The following ITGAM variants were observed in gnomAD, a reference collection of about 807,000 sequenced individuals.
The protein encoded by ITGAM is integrin alpha-M.
In ITGAM, 79 loss-of-function variants were observed where a neutral mutation model predicts 137.5. The observed-to-expected ratio is 0.57, with a 90% CI of 0.48 to 0.69. The LOEUF is 0.69. ITGAM is among the 30% of genes least tolerant of loss of function. The probability of loss-of-function intolerance (pLI) is 0.00; values close to 1 mark genes in which losing one functional copy is unlikely to be tolerated. For synonymous variants in ITGAM, 583 were observed against 592.3 expected (o/e 0.98, Z 0.23); for missense variants, 1,343 against 1,483.5 (o/e 0.91, Z 1.56).
intron 14 of ITGAM, among the ~76,000 whole-genome samples, chr16:31,304,760 GTTGGCTGTAAGTAT>G (rs1307678865): frequency 6.6e-6 from 1 of 152,134 alleles, no homozygotes; most frequent in Admixed American, 6.6e-5. Flanking sequence ...TAAAAGATCA[GTTGGCTGTAAGTAT>G]TTGGTTTTAT....
intron 12 of ITGAM, among the ~76,000 whole-genome samples, chr16:31,285,280 C>G (rs530231798): frequency 2.6e-5 from 4 of 152,016 alleles, no homozygotes; most frequent in African/African-American, 9.7e-5. Flanking sequence ...CAGCACAGCC[C>G]GTGGATTTAA....
intron 7 of ITGAM, among the ~76,000 whole-genome samples, chr16:31,272,455 ATATATATATTTTTTTTTTTTTTTT>A (rs2079858992): frequency 6.1e-4 from 7 of 11,394 alleles, no homozygotes; most frequent in Non-Finnish European, 7.7e-4. Flanking sequence ...ATATATATAT[ATATATATATTTTTTTTTTTTTTTT>A]TTTTTTTTTT....
At chr16:31,279,995 A>G (rs2079950472) in intron 12 of ITGAM, among the ~76,000 whole-genome samples, 1 of 145,224 alleles carries the variant, frequency 6.9e-6, no homozygotes. Context: ...TAAATAGGGA[A>G]TCCTTTCCCC....
chr16:31,279,107 T>C (rs1196383600), intron 12 of ITGAM, among the ~76,000 whole-genome samples: 2 of 152,254 alleles, frequency 1.3e-5, no homozygotes, highest in African/African-American at 2.4e-5. Flanking sequence ...ATGGTGTATA[T>C]GTGCCACATT....
rs1188105466 is a variant in ITGAM, at chr16:31,279,136, G to A, written c.1356+1027G>A. On this transcript the variant is annotated intron_variant, in intron 12 of 29. Coordinates refer to ENST00000544665, the MANE Select transcript of ITGAM (RefSeq NM_000632.4). ...CCACATTTTCTTAATCCAGTCTATC[G>A]TTGATGGACATTTGGGTTGGTTCCA... Among the ~76,000 whole-genome samples, 11 of 152,136 alleles carry A rather than the reference G, an allele frequency of 7.2e-5. No individual in the cohort carries two copies. The East Asian group carries it at 9.7e-4, about 13-fold the overall frequency.
chr16:31,296,501 A>G (rs2080135864), intron 12 of ITGAM, among the ~76,000 whole-genome samples: 1 of 152,196 alleles, frequency 6.6e-6, no homozygotes, highest in Admixed American at 6.5e-5. Flanking sequence ...TCCCCAATAA[A>G]TCTGACCTAA....
chr16:31,260,716 G>A (rs935479156), intron 1 of ITGAM, among the ~76,000 whole-genome samples: 6 of 152,234 alleles, frequency 3.9e-5, no homozygotes, highest in African/African-American at 1.4e-4. Flanking sequence ...CTGGAATTCA[G>A]AGCAGGACTG....
chr16:31,274,774 C>T (rs1004702826), intron 8 of ITGAM, among the ~76,000 whole-genome samples: 1 of 151,980 alleles, frequency 6.6e-6, no homozygotes, highest in Non-Finnish European at 1.5e-5. Context: ...ACCACCATGC[C>T]TGGCTAATTT....
At chr16:31,296,465 G>C (rs1029106000) in intron 12 of ITGAM, among the ~76,000 whole-genome samples, 3 of 152,048 alleles carry the variant, frequency 2.0e-5, no homozygotes, top group Non-Finnish European at 2.9e-5. Context: ...GTACTAAAAG[G>C]CTGAATTTTA....
At chr16:31,321,404 C>G in intron 15 of ITGAM, 33 bp downstream of exon 15, 1 of 1,613,742 alleles carries the variant, frequency 6.2e-7, no homozygotes, top group Non-Finnish European at 8.5e-7. Context: ...ACCGGACATT[C>G]TCCCTTGAAG....
rs2080599839 is a variant in ITGAM at position 31,332,375 on chromosome 16, G to A, written c.*668G>A. ...CTGATGCCCAATAAAGATGCCCACT[G>A]AGGAATGATGAAGCTTCCTTTCTGG... On this transcript the variant is annotated 3_prime_UTR_variant, in exon 30 of 30. Coordinates refer to ENST00000544665, the MANE Select transcript of ITGAM (RefSeq NM_000632.4). 6.6e-6 allele frequency: 1 copy of A among 152,272 alleles called. No individual in the cohort carries two copies. Among genetic ancestry groups the A allele is most frequent in the African/African-American group, 2.4e-5 (1 of 41,466 alleles). The allele number at this position is 152,272 out of a possible 1,614,324, so 9.4% of individuals were successfully genotyped here.
At position 31,280,169 on chromosome 16, in the gene ITGAM, G is replaced by A. The variant is rs138165757; in HGVS notation, c.1356+2060G>A. ...GTAATATAGTTTGAAGTCAGGTAGC[G>A]TGATGCCTCCAGCTTTGTTCTTTTG... On this transcript the variant is annotated intron_variant, in intron 12 of 29. Transcript: ENST00000544665. Among the ~76,000 whole-genome samples the A allele has an allele frequency of 7.2e-4, 110 of 152,264 alleles. No individual in the cohort carries two copies. The East Asian group carries it at 0.018, about 24-fold the overall frequency.
chr16:31,270,135 TTG>T (rs1432774054), intron 5 of ITGAM, among the ~76,000 whole-genome samples: 10 of 118,570 alleles, frequency 8.4e-5, no homozygotes, highest in African/African-American at 3.1e-4. Flanking sequence ...CCTTCCTCCT[TTG>T]CTTTCCTTTC....
At chr16:31,273,596 A>G in intron 8 of ITGAM, 78 bp downstream of exon 8, 2 of 1,424,804 alleles carry the variant, frequency 1.4e-6, no homozygotes, top group Non-Finnish European at 1.9e-6. Context: ...ATTTGCAAAT[A>G]TTATTAAAAT....
chr16:31,331,867 G>T lies in ITGAM; in HGVS notation c.*160G>T. 3 of 604,644 alleles carry T rather than the reference G, an allele frequency of 5.0e-6. No individual in the cohort carries two copies. Among genetic ancestry groups the T allele is most frequent in the Non-Finnish European group, 8.7e-6 (3 of 343,518 alleles). The allele number at this position is 604,644 out of a possible 1,614,324, so 37.5% of individuals were successfully genotyped here. On this transcript the variant is annotated 3_prime_UTR_variant, in exon 30 of 30. Transcript: ENST00000544665. ...TGTGCAAGTGTGTATGTGCGTGTGT[G>T]CAAGTGTCTGTGTGCAAGTGTGTGC...
At chr16:31,294,571 G>A (rs962367352) in intron 12 of ITGAM, among the ~76,000 whole-genome samples, 3 of 152,016 alleles carry the variant, frequency 2.0e-5, no homozygotes, top group Non-Finnish European at 2.9e-5. Context: ...TTTGCACCCC[G>A]GGAATGAAGC....
chr16:31,326,560 GCGCCCGC>G (rs2144497602), intron 21 of ITGAM, among the ~76,000 whole-genome samples: 1 of 152,198 alleles, frequency 6.6e-6, no homozygotes, highest in African/African-American at 2.4e-5. Context: ...GGGGTTACAT[GCGCCCGC>G]CACCACACCC....
chr16:31,327,996 G>A, intron 22 of ITGAM, 151 bp from the exon 23 acceptor site: 1 of 654,852 alleles, frequency 1.5e-6, no homozygotes. Context: ...GCCTGGGCTA[G>A]GCGGGGGCAG....
chr16:31,302,406 T>TTTCTTTCTTCTTTC (rs2080207430), intron 14 of ITGAM, among the ~76,000 whole-genome samples: 1 of 116,084 alleles, frequency 8.6e-6, no homozygotes, highest in Non-Finnish European at 1.8e-5. Context: ...TTTTCTTTTC[T>TTTCTTTCTTCTTTC]TTTTTCTTTC....
Sources: gnomAD v4.1 joint callset for allele counts (sites outside exome capture counted in the v4.1 genomes callset) on GRCh38, gnomAD v4.1.1 for gene constraint, MANE v1.5 for transcripts, NCBI Gene and HGNC (gene_info 2026-07-23, HGNC 2026-07-21) for gene names.